OGFOD3: variants seen among roughly 807,000 people sequenced by gnomAD.
The protein encoded by OGFOD3 is 2-oxoglutarate and iron dependent oxygenase domain containing 3.
In OGFOD3, 35 loss-of-function variants were observed where a neutral mutation model predicts 39.8. That is an observed-to-expected ratio of 0.88 (90% CI 0.67 to 1.17). The LOEUF is 1.17. Among genes scored for constraint, OGFOD3 ranks in the 50% most tolerant of loss-of-function variants. The pLI is 0.00. For missense variants in OGFOD3, 438 were observed against 454.5 expected, an observed-to-expected ratio of 0.96 and a Z score of 0.33; for synonymous variants, 200 against 192.0, an observed-to-expected ratio of 1.04 and a Z score of -0.34.
rs764666692 is a variant in OGFOD3, at chr17:82,391,837, G to A, written c.*561C>T. The A allele has an allele frequency of 2.6e-5, 4 of 155,100 alleles. No individual in the cohort carries two copies. The highest frequency in any genetic ancestry group is 1.9e-4 in the Admixed American group (3 of 15,752). The allele number at this position is 155,100 out of a possible 1,614,324, so 9.6% of individuals were successfully genotyped here. On this transcript the variant is annotated 3_prime_UTR_variant, in exon 9 of 9. Transcript: ENST00000313056. This position sits in a 1 kb window ranked among gnomAD's most constrained non-coding sequence, Gnocchi z 5.1. ...TGGGCCAGCAGCATTGGGGGTGCAC[G>A]CAGGGCTGTGGGAACGGCAGATGTT...
At chr17:82,408,954 C>T (rs946078615) in intron 4 of OGFOD3, among the ~76,000 whole-genome samples, 2 of 152,176 alleles carry the variant, frequency 1.3e-5, no homozygotes, top group African/African-American at 2.4e-5. Flanking sequence ...TTGCAGGATG[C>T]GTTGCAGCGT....
In OGFOD3 at chr17:82,391,839, AG is replaced by A. The variant is rs931003123; in HGVS notation, c.*558del. 1 of 154,994 alleles carries A rather than the reference AG, an allele frequency of 6.5e-6. No individual in the cohort carries two copies. Among genetic ancestry groups the A allele is most frequent in the African/African-American group, 2.4e-5 (1 of 41,448 alleles). The allele number at this position is 154,994 out of a possible 1,614,324, so 9.6% of individuals were successfully genotyped here. A position where few individuals can be genotyped will look rare whatever the true frequency, so the allele number is the denominator to read the frequency against. ...GGCCAGCAGCATTGGGGGTGCACGC[AG>A]GGCTGTGGGAACGGCAGATGTTCAC... On this transcript the variant is annotated 3_prime_UTR_variant, in exon 9 of 9. Coordinates refer to ENST00000313056, the MANE Select transcript of OGFOD3 (RefSeq NM_024648.3). The surrounding 1 kb of genome is among the most constrained non-coding windows in gnomAD (Gnocchi z 5.1).
At chr17:82,411,410 C>A (rs370568413) in intron 3 of OGFOD3, 45 bp downstream of exon 3, 1 of 1,555,096 alleles carries the variant, frequency 6.4e-7, no homozygotes, top group Non-Finnish European at 8.9e-7. Context: ...CCCCACTCCG[C>A]GTGTGTTTGT....
chr17:82,392,387 C>T lies in OGFOD3; in HGVS notation c.*11G>A, dbSNP rs372001555. ...CGGGCCCTCCTGAAGTTACCTTGGC[C>T]CGGCTGCTGGCTACGGGAACGCTGG... On this transcript the variant is annotated 3_prime_UTR_variant, in exon 9 of 9. Coordinates refer to ENST00000313056, the MANE Select transcript of OGFOD3 (RefSeq NM_024648.3). This position sits in a 1 kb window ranked among gnomAD's most constrained non-coding sequence, Gnocchi z 4.2. The T allele has an allele frequency of 1.2e-6, 2 of 1,607,870 alleles. No homozygotes were observed. The highest frequency in any genetic ancestry group is 1.7e-6 in the Non-Finnish European group (2 of 1,178,286).
rs945531999 is a variant in OGFOD3 at position 82,406,157 on chromosome 17, G to T, written c.488+261C>A. 2.6e-5 allele frequency among the ~76,000 whole-genome samples: 4 copies of T among 152,034 alleles called. No homozygotes were observed. The highest frequency in any genetic ancestry group is 9.7e-5 in the African/African-American group (4 of 41,406). On this transcript the variant is annotated intron_variant, in intron 5 of 8. Coordinates refer to ENST00000313056, the MANE Select transcript of OGFOD3 (RefSeq NM_024648.3). The surrounding 1 kb of genome is among the most constrained non-coding windows in gnomAD (Gnocchi z 5.2). ...TTGCTCCCATCCCTTCTGTCCCTGGGCCCACAAAAACACCAGATTCCCCTA... is the reference window on the plus strand; with the variant it reads ...TTGCTCCCATCCCTTCTGTCCCTGGTCCCACAAAAACACCAGATTCCCCTA...
intron 7 of OGFOD3, among the ~76,000 whole-genome samples, chr17:82,400,105 G>A (rs1011144319): frequency 6.6e-6 from 1 of 152,138 alleles, no homozygotes; most frequent in Non-Finnish European, 1.5e-5. Context: ...GATCACGCTG[G>A]GGCCCAGCCC....
chr17:82,413,147 A>G (rs1296632147), intron 2 of OGFOD3, among the ~76,000 whole-genome samples: 5 of 152,246 alleles, frequency 3.3e-5, no homozygotes, highest in Non-Finnish European at 7.3e-5. Flanking sequence ...GCTTTTTTAT[A>G]AGGTTTACCC....
At chr17:82,396,492 CAT>C (rs1032150216) in intron 8 of OGFOD3, 1 of 151,856 alleles carries the variant, frequency 6.6e-6, no homozygotes, top group Non-Finnish European at 1.5e-5. Flanking sequence ...TACAATTAGA[CAT>C]GTATGACATC....
Position 82,403,971 on chromosome 17 carries a change from G to C in OGFOD3, c.665C>G (p.Ala222Gly), listed in dbSNP as rs771059026. Residue 222 changes from alanine to glycine, a missense_variant, in exon 7 of 9, where the codon GCG becomes GGG. By Grantham distance (60) the Ala-to-Gly change is moderately conservative. Transcript: ENST00000313056. Reference sequence around the variant, plus strand: ...GTGCGCATGCCAGTACTCGTCGTGCGCCGTCCGCGCTTCCGTGCTGTTTAT... The same window carrying C: ...GTGCGCATGCCAGTACTCGTCGTGCCCCGTCCGCGCTTCCGTGCTGTTTAT... ...SRINSTEART[A>G]HDEYWHAHVD... 2.5e-6 allele frequency: 4 copies of C among 1,608,352 alleles called. No individual in the cohort carries two copies. The East Asian group carries it at 6.7e-5, about 27-fold the overall frequency.
chr17:82,405,707 C>A (rs2052844485), intron 5 of OGFOD3, among the ~76,000 whole-genome samples: 1 of 149,660 alleles, frequency 6.7e-6, no homozygotes, highest in Non-Finnish European at 1.5e-5. Flanking sequence ...CCCAGCTACT[C>A]AGGAGGCCGA....
At chr17:82,410,072 T>C (rs2052919796) in intron 3 of OGFOD3, among the ~76,000 whole-genome samples, 1 of 152,146 alleles carries the variant, frequency 6.6e-6, no homozygotes, top group South Asian at 2.1e-4. Context: ...AGCTTTGAGA[T>C]TCACCAGCTC....
intron 4 of OGFOD3, among the ~76,000 whole-genome samples, chr17:82,408,881 C>A (rs2052897718): frequency 6.6e-6 from 1 of 152,352 alleles, no homozygotes; most frequent in South Asian, 2.1e-4. Flanking sequence ...CTAGCTGACC[C>A]CCTGCAGCCT....
intron 5 of OGFOD3, among the ~76,000 whole-genome samples, 165 bp from the exon 6 acceptor site, chr17:82,405,545 T>G (rs1217272291): frequency 6.6e-6 from 1 of 152,264 alleles, no homozygotes; most frequent in Admixed American, 6.5e-5. Context: ...CCGGGCGCAG[T>G]GGCTCACGCC....
At chr17:82,412,228 C>T (rs1472055693) in intron 2 of OGFOD3, among the ~76,000 whole-genome samples, 1 of 152,060 alleles carries the variant, frequency 6.6e-6, no homozygotes, top group African/African-American at 2.4e-5. Flanking sequence ...TGGTGACCTG[C>T]GGAGGCTGAG....
intron 4 of OGFOD3, among the ~76,000 whole-genome samples, 197 bp downstream of exon 4, chr17:82,409,171 C>T (rs1369623538): frequency 6.6e-6 from 1 of 152,252 alleles, no homozygotes; most frequent in East Asian, 1.9e-4. Flanking sequence ...AGGACACACT[C>T]TTCCCAACGA....
Position 82,392,083 on chromosome 17 carries a change from G to C in OGFOD3, c.*315C>G. ...TTGCTGAACCTGGACGAGTCCCGGG[G>C]GGTTGCTGAACCTGGGTGGATGAGT... On this transcript the variant is annotated 3_prime_UTR_variant, in exon 9 of 9. Transcript: ENST00000313056. This position sits in a 1 kb window ranked among gnomAD's most constrained non-coding sequence, Gnocchi z 4.2. The C allele has an allele frequency of 2.7e-6, 1 of 372,014 alleles. No individual in the cohort carries two copies. Among genetic ancestry groups the C allele is most frequent in the Non-Finnish European group, 4.9e-6 (1 of 204,934 alleles). 23.0% of individuals were successfully genotyped at this position (372,014 alleles called of 1,614,324 possible). A position where few individuals can be genotyped will look rare whatever the true frequency, so the allele number is the denominator to read the frequency against.
intron 8 of OGFOD3, chr17:82,393,434 T>C (rs971106154): frequency 6.6e-6 from 1 of 152,236 alleles, no homozygotes; most frequent in Non-Finnish European, 1.5e-5. Flanking sequence ...AGGGAGTCAG[T>C]TGCACTGTGC....
Position 82,415,625 on chromosome 17 carries a change from G to A in OGFOD3, c.77C>T (p.Thr26Ile). The change falls in exon 2 of 9, where the codon ACC (threonine) becomes ATC (isoleucine). Residue 26 changes from threonine (T) to isoleucine (I), a missense_variant and splice_region_variant. Coordinates refer to ENST00000313056, the MANE Select transcript of OGFOD3 (RefSeq NM_024648.3). The surrounding 1 kb of genome is among the most constrained non-coding windows in gnomAD (Gnocchi z 5.3). Reference protein sequence around the residue: ...GAAERRNRSSTKKDRAPREVQ... With the variant: ...GAAERRNRSSIKKDRAPREVQ... ...CTCCCGCGGGGCTCGGTCCTTCTTG[G>A]TGCTGAGAACAGAAAACAGGCCACG... 2 of 1,608,802 alleles carry A rather than the reference G, an allele frequency of 1.2e-6. No homozygotes were observed. Among genetic ancestry groups the A allele is most frequent in the South Asian group, 1.1e-5 (1 of 90,826 alleles).
chr17:82,398,524 C>T (rs548091033), intron 7 of OGFOD3, among the ~76,000 whole-genome samples: 5 of 152,250 alleles, frequency 3.3e-5, no homozygotes, highest in South Asian at 4.2e-4. Context: ...CTCAGCCTCC[C>T]GAGTAGCTGG....
Sources: allele counts gnomAD v4.1 joint callset (sites outside exome capture counted in the v4.1 genomes callset), GRCh38; gene constraint gnomAD v4.1.1; non-coding constraint Gnocchi (gnomAD v3.1); transcripts MANE v1.5; gene names NCBI Gene and HGNC (gene_info 2026-07-23, HGNC 2026-07-21).